Variants in HTR1F observed in about 807,000 individuals in gnomAD.
HTR1F encodes the protein 5-hydroxytryptamine receptor 1F, also known as 5-hydroxytryptamine (serotonin) receptor 1F, G protein-coupled.
HTR1F carries 17 observed loss-of-function variants against 24.0 expected under a neutral mutation model. That is an observed-to-expected ratio of 0.71 (90% CI 0.48 to 1.06). The LOEUF (loss-of-function observed/expected upper bound fraction) is 1.06, where lower values mean the gene tolerates loss of function less well. Ranked by LOEUF, HTR1F falls within the 50% of genes least tolerant of loss-of-function variation. The pLI is 0.00. For synonymous variants in HTR1F, 186 were observed against 156.8 expected, an observed-to-expected ratio of 1.19 and a Z score of -1.39; for missense variants, 391 against 427.8, an observed-to-expected ratio of 0.91 and a Z score of 0.76.
chr3:87,852,092 C>A (rs149286309), intron 2 of HTR1F, among the ~76,000 whole-genome samples: 1 of 151,364 alleles, frequency 6.6e-6, no homozygotes, highest in East Asian at 1.9e-4. Flanking sequence ...TTTATTGATA[C>A]TTTCATGGGC....
intron 2 of HTR1F, among the ~76,000 whole-genome samples, chr3:87,983,401 T>A (rs1233639937): frequency 6.6e-6 from 1 of 152,046 alleles, no homozygotes. Flanking sequence ...TACAGAAGAG[T>A]TATGGAGCAA....
chr3:87,917,203 C>G (rs1703913128), intron 2 of HTR1F, among the ~76,000 whole-genome samples: 1 of 151,868 alleles, frequency 6.6e-6, no homozygotes, highest in South Asian at 2.1e-4. Flanking sequence ...CTCTGGGACA[C>G]AGTCAAGGCA....
chr3:87,954,718 T>G (rs1018217154), intron 2 of HTR1F, among the ~76,000 whole-genome samples: 3 of 151,592 alleles, frequency 2.0e-5, no homozygotes, highest in African/African-American at 7.2e-5. Flanking sequence ...TTTTAAATAC[T>G]GATATAAACA....
chr3:87,892,218 T>C (rs1026255005), intron 2 of HTR1F, among the ~76,000 whole-genome samples: 19 of 152,212 alleles, frequency 1.2e-4, no homozygotes, highest in African/African-American at 4.6e-4. Flanking sequence ...CAGGGAAATA[T>C]TGTTATGATA....
chr3:87,918,237 A>G lies in HTR1F; in HGVS notation c.-42-72471A>G, dbSNP rs550675167. ...GACATACGTCAATATAATAAAAGCC[A>G]TCTATGACAAACCCACAGTCAACAT... On this transcript the variant is annotated intron_variant, in intron 2 of 2. Coordinates refer to ENST00000319595, the MANE Select transcript of HTR1F (RefSeq NM_001322209.2). 8.9e-4 allele frequency among the ~76,000 whole-genome samples: 135 copies of G among 152,240 alleles called. No individual in the cohort carries two copies. The South Asian group carries it at 0.011, about 12-fold the overall frequency.
chr3:87,991,520 C>T lies in HTR1F; in HGVS notation c.771C>T (p.Asp257=), dbSNP rs1280178287. 4 of 1,613,186 alleles carry T rather than the reference C, an allele frequency of 2.5e-6. No homozygotes were observed. In the African/African-American group the frequency reaches 4.0e-5, roughly 16 times the overall value. The change falls in exon 3 of 3, where the codon GAC becomes GAT. Residue 257 remains aspartate (D), a synonymous_variant. Coordinates refer to ENST00000319595, the MANE Select transcript of HTR1F (RefSeq NM_001322209.2). ...LEKSLSDPST[D]FDKIHSTVRS... is the part of the protein sequence containing the mutation. The stretch of plus-strand genomic sequence containing the variant: ...AGTCTTTATCTGACCCATCAACAGA[C>T]TTTGATAAAATTCATAGCACAGTGA...
chr3:87,832,950 T>C (rs1006271195), intron 2 of HTR1F, among the ~76,000 whole-genome samples: 6 of 152,240 alleles, frequency 3.9e-5, no homozygotes, highest in African/African-American at 9.6e-5. Flanking sequence ...TTCAGACTGG[T>C]GTAACAGGAC....
chr3:87,828,806 G>T (rs1418714348), intron 2 of HTR1F, among the ~76,000 whole-genome samples: 4 of 152,076 alleles, frequency 2.6e-5, no homozygotes, highest in Non-Finnish European at 4.4e-5. Flanking sequence ...CTGTTCTATT[G>T]TTACTTGAAA....
intron 1 of HTR1F, among the ~76,000 whole-genome samples, chr3:87,804,454 A>G (rs1279178681): frequency 6.6e-6 from 1 of 152,136 alleles, no homozygotes; most frequent in African/African-American, 2.4e-5. Context: ...ATTCTCAAAA[A>G]AAATTGAGTA....
intron 2 of HTR1F, among the ~76,000 whole-genome samples, chr3:87,931,169 G>C (rs145925332): frequency 6.6e-6 from 1 of 151,512 alleles, no homozygotes. Context: ...TTTAGCATTA[G>C]GTATATCCCC....
chr3:87,953,360 A>T (rs1465693659), intron 2 of HTR1F, among the ~76,000 whole-genome samples: 1 of 151,612 alleles, frequency 6.6e-6, no homozygotes, highest in Non-Finnish European at 1.5e-5. Context: ...GGCAAAAAAA[A>T]AAAGAAAAGA....
intron 2 of HTR1F, among the ~76,000 whole-genome samples, chr3:87,916,491 T>G (rs906425448): frequency 3.9e-5 from 6 of 151,976 alleles, no homozygotes; most frequent in Non-Finnish European, 8.8e-5. Flanking sequence ...GAGACTCACC[T>G]AACACATAAA....
In HTR1F at chr3:87,962,061, A is replaced by T. The variant is rs529241418; in HGVS notation, c.-42-28647A>T. ...AACCTCAATGTGCTATCTACATTGC[A>T]TCAAAAATGACGTACATTGAATATA... On this transcript the variant is annotated intron_variant, in intron 2 of 2. Transcript: ENST00000319595. Among the ~76,000 whole-genome samples the T allele has an allele frequency of 1.4e-3, 210 of 152,206 alleles. 1 individual carries two copies. Among genetic ancestry groups the T allele is most frequent in the African/African-American group, 4.7e-3 (197 of 41,548 alleles).
intron 2 of HTR1F, among the ~76,000 whole-genome samples, chr3:87,914,079 T>C (rs1360789523): frequency 2.0e-5 from 3 of 152,030 alleles, no homozygotes; most frequent in Non-Finnish European, 2.9e-5. Context: ...GAAAGGGAGA[T>C]GGTCCAGGAA....
At chr3:87,807,053 A>G (rs1228190736) in intron 1 of HTR1F, among the ~76,000 whole-genome samples, 5 of 151,894 alleles carry the variant, frequency 3.3e-5, no homozygotes, top group African/African-American at 9.7e-5. Context: ...ATTGAGTTTC[A>G]AGTAGCGTGG....
At chr3:87,958,161 A>G (rs1472573370) in intron 2 of HTR1F, among the ~76,000 whole-genome samples, 1 of 151,540 alleles carries the variant, frequency 6.6e-6, no homozygotes, top group Non-Finnish European at 1.5e-5. Context: ...ATGCTGTTCA[A>G]TTTTCAAATA....
intron 2 of HTR1F, among the ~76,000 whole-genome samples, chr3:87,848,803 T>C (rs1486962613): frequency 2.0e-5 from 3 of 151,638 alleles, no homozygotes; most frequent in African/African-American, 7.3e-5. Context: ...AGCATTCTTA[T>C]ACACCAATAA....
chr3:87,843,640 T>C (rs1350431965), intron 2 of HTR1F, among the ~76,000 whole-genome samples: 1 of 150,704 alleles, frequency 6.6e-6, no homozygotes, highest in Non-Finnish European at 1.5e-5. Context: ...TAACTCATCA[T>C]CTAGCATTAG....
intron 2 of HTR1F, among the ~76,000 whole-genome samples, chr3:87,901,276 G>T (rs1266354422): frequency 6.6e-6 from 1 of 152,050 alleles, no homozygotes; most frequent in Non-Finnish European, 1.5e-5. Flanking sequence ...CTTTAAAGAG[G>T]TAACTAAGAT....
Sources: gnomAD v4.1 joint callset for allele counts (sites outside exome capture counted in the v4.1 genomes callset) on GRCh38, gnomAD v4.1.1 for gene constraint, MANE v1.5 for transcripts, NCBI Gene and HGNC (gene_info 2026-07-23, HGNC 2026-07-21) for gene names.